The following USH2A variants were observed in gnomAD, a reference collection of about 807,000 sequenced individuals.
The protein encoded by USH2A is Usher syndrome 2A (autosomal recessive, mild).
Under a neutral mutation model 538.9 loss-of-function variants are expected in USH2A, and 443 were observed. The observed-to-expected ratio is 0.82, with a 90% confidence interval of 0.76 to 0.89. The LOEUF is 0.89. Ranked by LOEUF, USH2A falls within the 40% of genes least tolerant of loss-of-function variation. USH2A has a pLI of 0.00. For missense variants in USH2A, 6,633 were observed against 6,324.8 expected (o/e 1.05, Z -1.65); for synonymous variants, 2,413 against 2,273.5 (o/e 1.06, Z -1.75).
chr1:216,392,354 G>A (rs867142489), intron 3 of USH2A, among the ~76,000 whole-genome samples: 11 of 151,894 alleles, frequency 7.2e-5, no homozygotes, highest in Admixed American at 6.6e-4. Flanking sequence ...AAACAAATTA[G>A]CCGGGCATGG....
At chr1:216,323,385 T>G in intron 8 of USH2A, 89 bp downstream of exon 8, 1 of 1,327,568 alleles carries the variant, frequency 7.5e-7, no homozygotes, top group Non-Finnish European at 1.1e-6. Context: ...ATGTAAAGCT[T>G]GAAATCTGGC....
intron 66 of USH2A, 82 bp from the exon 67 acceptor site, chr1:215,647,812 T>G (rs1360015806): frequency 6.6e-7 from 1 of 1,514,346 alleles, no homozygotes; most frequent in Non-Finnish European, 9.1e-7. Context: ...TTCTATTTTG[T>G]GAGGAGACAT....
chr1:216,328,440 C>T (rs572390084), intron 4 of USH2A, among the ~76,000 whole-genome samples: 5 of 152,040 alleles, frequency 3.3e-5, no homozygotes, highest in South Asian at 2.1e-4. Context: ...GAAAAACTAC[C>T]GACTCCAAGT....
intron 44 of USH2A, among the ~76,000 whole-genome samples, chr1:215,862,273 A>G (rs927719295): frequency 5.9e-5 from 9 of 152,196 alleles, no homozygotes; most frequent in African/African-American, 2.2e-4. Flanking sequence ...AGGGACATGG[A>G]TGAAGCTGGA....
At chr1:216,021,896 C>G (rs912339896) in intron 32 of USH2A, among the ~76,000 whole-genome samples, 1 of 152,066 alleles carries the variant, frequency 6.6e-6, no homozygotes, top group South Asian at 2.1e-4. Flanking sequence ...TGAGGCTGAG[C>G]CTTTTAGGAG....
intron 20 of USH2A, among the ~76,000 whole-genome samples, chr1:216,177,703 G>A (rs569534454): frequency 6.6e-6 from 1 of 152,254 alleles, no homozygotes; most frequent in African/African-American, 2.4e-5. Flanking sequence ...AACCCTAGGA[G>A]TCACGGAGAT....
At chr1:215,640,437 G>T in intron 68 of USH2A, 121 bp downstream of exon 68, 1 of 1,286,172 alleles carries the variant, frequency 7.8e-7, no homozygotes, top group East Asian at 2.4e-5. Flanking sequence ...CACAAGAAGG[G>T]GGCACTTAAA....
intron 47 of USH2A, among the ~76,000 whole-genome samples, chr1:215,823,472 C>G (rs748409354): frequency 2.0e-5 from 3 of 151,988 alleles, no homozygotes; most frequent in African/African-American, 7.2e-5. Context: ...AGGATCCTCT[C>G]TTTGTCACTG....
chr1:215,883,668 A>G (rs572220214), intron 41 of USH2A, among the ~76,000 whole-genome samples: 1 of 152,272 alleles, frequency 6.6e-6, no homozygotes, highest in South Asian at 2.1e-4. Context: ...CCAATGAAAT[A>G]AAATGCAGAT....
At chr1:216,363,574 T>A (rs570641024) in intron 4 of USH2A, among the ~76,000 whole-genome samples, 1 of 152,232 alleles carries the variant, frequency 6.6e-6, no homozygotes, top group Admixed American at 6.5e-5. Flanking sequence ...ATGGTTGATA[T>A]ATATAAATGG....
In USH2A at chr1:215,964,942, G is replaced by A. The variant is rs188975659; in HGVS notation, c.7120+375C>T. 4.9e-3 allele frequency among the ~76,000 whole-genome samples: 748 copies of A among 152,198 alleles called. 6 individuals carry two copies. The highest frequency in any genetic ancestry group is 6.7e-3 in the Non-Finnish European group (459 of 68,004). On this transcript the variant is annotated intron_variant, in intron 37 of 71. Transcript: ENST00000307340. ...TTATAGTTCAACTCTTTGCATACAC[G>A]ATGTTTTAGGTTTGAACCACTTTTT...
chr1:216,048,483 T>G (rs1169813795), intron 31 of USH2A, 51 bp downstream of exon 31: 1 of 1,558,096 alleles, frequency 6.4e-7, no homozygotes, highest in African/African-American at 1.4e-5. Context: ...TTCTCCTATT[T>G]TATTATTCAT....
In USH2A at chr1:216,250,979, A is replaced by G. The variant is rs1004030005; in HGVS notation, c.2091T>C (p.Asn697=). Reference sequence around the variant, plus strand: ...TATCTCCATCCACTGTCCCAGAGGTATTGCAGTTACAGGGACTGCAGCCAT... The same window carrying G: ...TATCTCCATCCACTGTCCCAGAGGTGTTGCAGTTACAGGGACTGCAGCCAT... The part of the protein sequence containing the change: ...DPDGCSPCNC[N]TSGTVDGDIT... The change falls in exon 12 of 72, where the codon AAT becomes AAC. Residue 697 remains asparagine (N), a synonymous_variant. Transcript: ENST00000307340. The G allele has an allele frequency of 7.4e-6, 12 of 1,613,964 alleles. No homozygotes were observed. The African/African-American group carries it at 1.6e-4, about 22-fold the overall frequency.
At chr1:215,863,117 G>GTAAGGGATC (rs1664364272) in intron 44 of USH2A, among the ~76,000 whole-genome samples, 1 of 152,150 alleles carries the variant, frequency 6.6e-6, no homozygotes, top group African/African-American at 2.4e-5. Flanking sequence ...ATTATAGTCA[G>GTAAGGGATC]TAAGGGATCA....
chr1:215,929,559 A>T (rs1467742185), intron 38 of USH2A, among the ~76,000 whole-genome samples: 2 of 152,012 alleles, frequency 1.3e-5, no homozygotes, highest in East Asian at 3.9e-4. Flanking sequence ...TTTTTTACTT[A>T]CTTTTTCTAT....
At chr1:216,209,672 G>A (rs947861271) in intron 15 of USH2A, among the ~76,000 whole-genome samples, 5 of 152,098 alleles carry the variant, frequency 3.3e-5, no homozygotes, top group Non-Finnish European at 7.3e-5. Context: ...TTTTGTCCAT[G>A]GTTCCTGGCT....
intron 8 of USH2A, among the ~76,000 whole-genome samples, chr1:216,322,617 A>AG (rs1252625989): frequency 3.9e-5 from 6 of 151,960 alleles, no homozygotes; most frequent in Non-Finnish European, 5.9e-5. Flanking sequence ...AAAAAAAAAA[A>AG]AAAGAAAGAA....
intron 34 of USH2A, among the ~76,000 whole-genome samples, chr1:215,996,480 ACATATTGTCTT>A (rs1200256069): frequency 2.7e-5 from 4 of 150,900 alleles, no homozygotes; most frequent in African/African-American, 4.9e-5. Flanking sequence ...TTTATTTTTA[ACATATTGTCTT>A]CTTTATTAGG....
At chr1:216,247,584 T>G (rs1164271846) in intron 12 of USH2A, among the ~76,000 whole-genome samples, 2 of 152,194 alleles carry the variant, frequency 1.3e-5, no homozygotes, top group Admixed American at 1.3e-4. Flanking sequence ...GAATTACATA[T>G]AACAAATTAG....
Sources: allele counts gnomAD v4.1 joint callset (sites outside exome capture counted in the v4.1 genomes callset), GRCh38; gene constraint gnomAD v4.1.1; transcripts MANE v1.5; gene names NCBI Gene and HGNC (gene_info 2026-07-23, HGNC 2026-07-21).